CTNND2: variants seen among roughly 807,000 people sequenced by gnomAD.
The protein encoded by CTNND2 is catenin delta-2.
Under a neutral mutation model 144.4 loss-of-function variants are expected in CTNND2, and 22 were observed. The ratio of observed to expected loss-of-function variants is 0.15; its 90% CI spans 0.11 to 0.22. CTNND2 has a LOEUF of 0.22. CTNND2 is among the 10% of genes least tolerant of loss of function. CTNND2 has a pLI of 1.00. For missense variants in CTNND2, 1,353 were observed against 1,618.8 expected (o/e 0.84, Z 2.82); for synonymous variants, 751 against 695.6 (o/e 1.08, Z -1.25).
At chr5:11,554,462 C>A (rs944894972) in intron 3 of CTNND2, among the ~76,000 whole-genome samples, 2 of 152,138 alleles carry the variant, frequency 1.3e-5, no homozygotes, top group East Asian at 3.9e-4. Context: ...TGCCTAGATT[C>A]GGAAATCAAT....
chr5:11,138,551 A>T (rs774892273), intron 12 of CTNND2, among the ~76,000 whole-genome samples: 5 of 152,100 alleles, frequency 3.3e-5, no homozygotes, highest in Non-Finnish European at 7.4e-5. Flanking sequence ...TCCCTGCCCA[A>T]CCTGTGCCCT....
intron 16 of CTNND2, among the ~76,000 whole-genome samples, chr5:11,069,685 C>T (rs62339075): frequency 1.2e-4 from 17 of 142,118 alleles, no homozygotes; most frequent in Non-Finnish European, 1.7e-4. Flanking sequence ...GACAGAGAGA[C>T]AGAGAGACAG....
intron 18 of CTNND2, among the ~76,000 whole-genome samples, chr5:11,006,275 C>T (rs186933822): frequency 6.6e-6 from 1 of 152,370 alleles, no homozygotes; most frequent in African/African-American, 2.4e-5. Flanking sequence ...CCAGTCCATG[C>T]CCTTTTCTTC....
At chr5:11,601,393 G>C (rs1347739675) in intron 2 of CTNND2, among the ~76,000 whole-genome samples, 1 of 151,000 alleles carries the variant, frequency 6.6e-6, no homozygotes, top group Non-Finnish European at 1.5e-5. Context: ...TTATTTTTTT[G>C]TGAAAAAAAT....
chr5:11,268,812 C>A (rs936987470), intron 9 of CTNND2, among the ~76,000 whole-genome samples: 1 of 151,998 alleles, frequency 6.6e-6, no homozygotes, highest in African/African-American at 2.4e-5. Context: ...TTCAAAATTA[C>A]GGGTAATTTT....
intron 7 of CTNND2, among the ~76,000 whole-genome samples, chr5:11,379,564 T>C (rs1758273918): frequency 6.6e-6 from 1 of 151,326 alleles, no homozygotes; most frequent in Non-Finnish European, 1.5e-5. Flanking sequence ...CTTAATTTAT[T>C]AAAAAAAAAC....
At chr5:11,776,589 T>C (rs1258998668) in intron 1 of CTNND2, among the ~76,000 whole-genome samples, 1 of 152,154 alleles carries the variant, frequency 6.6e-6, no homozygotes, top group Admixed American at 6.5e-5. Flanking sequence ...CCCATTTATT[T>C]TATACATGGG....
chr5:11,195,057 GAA>G (rs1736717116), intron 11 of CTNND2, among the ~76,000 whole-genome samples: 1 of 152,126 alleles, frequency 6.6e-6, no homozygotes, highest in Non-Finnish European at 1.5e-5. Flanking sequence ...ACTAATTTCA[GAA>G]AGAGAGGACA....
intron 10 of CTNND2, among the ~76,000 whole-genome samples, chr5:11,232,235 C>A (rs547250864): frequency 6.6e-6 from 1 of 152,352 alleles, no homozygotes; most frequent in South Asian, 2.1e-4. Flanking sequence ...CCCACTGGGG[C>A]ACTGCCTAGT....
At chr5:11,206,508 TTG>T (rs1246268556) in intron 10 of CTNND2, among the ~76,000 whole-genome samples, 1 of 152,238 alleles carries the variant, frequency 6.6e-6, no homozygotes, top group Non-Finnish European at 1.5e-5. Flanking sequence ...AAATGTGATC[TTG>T]ATAAGTCTAA....
chr5:11,367,944 C>T (rs1273922660), intron 7 of CTNND2, among the ~76,000 whole-genome samples: 2 of 152,198 alleles, frequency 1.3e-5, no homozygotes, highest in East Asian at 1.9e-4. Flanking sequence ...CCTACATCAT[C>T]CAGCATTAAC....
chr5:10,975,245 A>T (rs1052000720), intron 21 of CTNND2, among the ~76,000 whole-genome samples: 2 of 152,192 alleles, frequency 1.3e-5, no homozygotes, highest in Non-Finnish European at 2.9e-5. Flanking sequence ...CTGTTTTCCA[A>T]GTGCAAGACA....
At chr5:11,729,718 G>A (rs1208976643) in intron 2 of CTNND2, among the ~76,000 whole-genome samples, 1 of 151,944 alleles carries the variant, frequency 6.6e-6, no homozygotes, top group Non-Finnish European at 1.5e-5. Flanking sequence ...TAAATCAATG[G>A]TTATTGAACA....
At chr5:11,427,488 T>G (rs767587437) in intron 3 of CTNND2, among the ~76,000 whole-genome samples, 29 of 151,922 alleles carry the variant, frequency 1.9e-4, no homozygotes, top group Non-Finnish European at 3.5e-4. Flanking sequence ...CCATGTTGGC[T>G]AGACTGGTCT....
chr5:11,434,029 T>G (rs1239537012), intron 3 of CTNND2, among the ~76,000 whole-genome samples: 1 of 152,188 alleles, frequency 6.6e-6, no homozygotes, highest in Non-Finnish European at 1.5e-5. Flanking sequence ...AAGAATGTAC[T>G]TAGTAGTTTT....
At position 11,903,789 on chromosome 5, in the gene CTNND2, G is replaced by T; in HGVS notation, c.37+28C>A. The T allele has an allele frequency of 6.8e-7, 1 of 1,474,402 alleles. No individual in the cohort carries two copies. Among genetic ancestry groups the T allele is most frequent in the Non-Finnish European group, 8.9e-7 (1 of 1,119,714 alleles). 91.3% of individuals were successfully genotyped at this position (1,474,402 alleles called of 1,614,324 possible). ...CGGCGCCGGGAGGAGGCTGCGCCCG[G>T]CCCCGGCCGCCCAGCCCCGCAACTC... On this transcript the variant is annotated intron_variant, in intron 1 of 21. Transcript: ENST00000304623. The surrounding 1 kb of genome is among the most constrained non-coding windows in gnomAD (Gnocchi z 5.4).
At chr5:11,621,702 G>A (rs996126890) in intron 2 of CTNND2, among the ~76,000 whole-genome samples, 1 of 152,116 alleles carries the variant, frequency 6.6e-6, no homozygotes, top group African/African-American at 2.4e-5. Context: ...GTTGTAAAAA[G>A]GTGACTCTGG....
intron 1 of CTNND2, among the ~76,000 whole-genome samples, chr5:11,764,520 A>G (rs2126811369): frequency 6.6e-6 from 1 of 152,254 alleles, no homozygotes; most frequent in Non-Finnish European, 1.5e-5. Flanking sequence ...ACTGTCTACT[A>G]GTCCCTGATG....
intron 6 of CTNND2, among the ~76,000 whole-genome samples, chr5:11,388,539 C>T (rs1759315509): frequency 6.6e-6 from 1 of 152,194 alleles, no homozygotes; most frequent in Non-Finnish European, 1.5e-5. Context: ...GTGCTATACT[C>T]CATTTCAATG....
Sources: allele counts gnomAD v4.1 joint callset (sites outside exome capture counted in the v4.1 genomes callset), GRCh38; gene constraint gnomAD v4.1.1; non-coding constraint Gnocchi (gnomAD v3.1); transcripts MANE v1.5; gene names NCBI Gene and HGNC (gene_info 2026-07-23, HGNC 2026-07-21).